Variants in DACH1 observed in about 807,000 individuals in gnomAD.
DACH1 encodes dachshund family transcription factor 1.
DACH1 carries 12 observed loss-of-function variants against 54.2 expected under a neutral mutation model. The ratio of observed to expected loss-of-function variants is 0.22; its 90% CI spans 0.14 to 0.36. The LOEUF is 0.36. Among genes scored for constraint, DACH1 ranks in the 10% least tolerant of loss-of-function variants. DACH1 has a pLI of 1.00. For missense variants in DACH1, 805 were observed against 929.8 expected, an observed-to-expected ratio of 0.87 and a Z score of 1.75; for synonymous variants, 386 against 366.2, an observed-to-expected ratio of 1.05 and a Z score of -0.62.
intron 3 of DACH1, among the ~76,000 whole-genome samples, chr13:71,613,553 A>G (rs960413777): frequency 4.6e-5 from 7 of 152,232 alleles, no homozygotes; most frequent in African/African-American, 1.4e-4. Flanking sequence ...TGCAGTGGCC[A>G]ACGTGGGGAG....
intron 1 of DACH1, among the ~76,000 whole-genome samples, chr13:71,765,126 TACC>T (rs1566486638): frequency 6.6e-6 from 1 of 152,182 alleles, no homozygotes; most frequent in Non-Finnish European, 1.5e-5. Flanking sequence ...CTGATTATTC[TACC>T]GTTATCTCAA....
At chr13:71,774,313 T>C (rs549077224) in intron 1 of DACH1, among the ~76,000 whole-genome samples, 8 of 152,144 alleles carry the variant, frequency 5.3e-5, no homozygotes, top group Non-Finnish European at 1.0e-4. Context: ...CATCACACAA[T>C]AATCTGGTCA....
At chr13:71,847,007 T>C (rs1873321630) in intron 1 of DACH1, among the ~76,000 whole-genome samples, 1 of 152,170 alleles carries the variant, frequency 6.6e-6, no homozygotes, top group African/African-American at 2.4e-5. Context: ...TCAAAAATTA[T>C]GCATTTGGTG....
At chr13:71,634,428 T>C (rs986165674) in intron 2 of DACH1, among the ~76,000 whole-genome samples, 1 of 152,190 alleles carries the variant, frequency 6.6e-6, no homozygotes, top group Non-Finnish European at 1.5e-5. Context: ...TCCAGGTACA[T>C]AGGCCTTCTT....
rs561109330 is a variant in DACH1, at chr13:71,644,087, A to T, written c.965-13370T>A. On this transcript the variant is annotated intron_variant, in intron 2 of 10. Coordinates refer to ENST00000613252, the MANE Select transcript of DACH1 (RefSeq NM_080759.6). ...TTCTTCCCGAAAAGACTAACTCTTA[A>T]ATTGTAGTCTCCTGCTTAGCACAAC... is the stretch of plus-strand genomic sequence containing the variant. Among the ~76,000 whole-genome samples, 12 of 152,306 alleles carry T rather than the reference A, an allele frequency of 7.9e-5. No individual in the cohort carries two copies. In the South Asian group the frequency reaches 2.5e-3, roughly 32 times the overall value.
chr13:71,768,812 TAAC>T (rs1323232324), intron 1 of DACH1, among the ~76,000 whole-genome samples: 1 of 151,922 alleles, frequency 6.6e-6, no homozygotes, highest in African/African-American at 2.4e-5. Flanking sequence ...GTACAATTTT[TAAC>T]ATCATAATTT....
At chr13:71,846,040 C>A in intron 1 of DACH1, 1 of 167,396 alleles carries the variant, frequency 6.0e-6, no homozygotes, top group Admixed American at 6.0e-5. Flanking sequence ...CGGAGTGGGT[C>A]TCCAGAACCA....
chr13:71,449,646 C>T lies in DACH1; in HGVS notation c.2084-8954G>A, dbSNP rs566237197. Among the ~76,000 whole-genome samples, 251 of 152,106 alleles carry T rather than the reference C, an allele frequency of 1.7e-3. 1 individual carries two copies. Among genetic ancestry groups the T allele is most frequent in the African/African-American group, 5.8e-3 (239 of 41,524 alleles). On this transcript the variant is annotated intron_variant, in intron 10 of 10. Transcript: ENST00000613252. ...CCATGGCATATGTATACCTATGTAA[C>T]AAACATGCATGTTCTGCACATGTAT...
chr13:71,737,279 C>T (rs1237861209), intron 1 of DACH1, among the ~76,000 whole-genome samples: 1 of 152,020 alleles, frequency 6.6e-6, no homozygotes, highest in Non-Finnish European at 1.5e-5. Context: ...GAAGAGAGAA[C>T]TAGGCGTTGT....
At chr13:71,458,581 C>T (rs543688774) in intron 10 of DACH1, among the ~76,000 whole-genome samples, 8 of 151,786 alleles carry the variant, frequency 5.3e-5, no homozygotes, top group African/African-American at 1.7e-4. Context: ...TGCATGCTTC[C>T]AATATTGTGT....
In DACH1 at chr13:71,865,974, G is replaced by T. The variant is rs761696528; in HGVS notation, c.796C>A (p.Leu266Ile). The stretch of plus-strand genomic sequence containing the variant: ...GTCTCGAAGTCCTTCCTGGAGATGA[G>T]TTTGCAGCGGTTCACTCCTGGCTGG... ...AIQPGVNRCK[L>I]ISRKDFETLY... is the part of the protein sequence containing the mutation. Residue 266 changes from leucine to isoleucine, a missense_variant, in exon 1 of 11, where the codon CTC (leucine) becomes ATC (isoleucine). Coordinates refer to ENST00000613252, the MANE Select transcript of DACH1 (RefSeq NM_080759.6). The T allele has an allele frequency of 6.2e-7, 1 of 1,613,976 alleles. No individual in the cohort carries two copies. Among genetic ancestry groups the T allele is most frequent in the Admixed American group, 1.7e-5 (1 of 60,012 alleles).
At chr13:71,475,986 C>T (rs1877489423) in intron 8 of DACH1, 137 bp from the exon 9 acceptor site, 2 of 578,196 alleles carry the variant, frequency 3.5e-6, no homozygotes, top group Non-Finnish European at 5.2e-6. Context: ...AAAGAAAGTT[C>T]CAAAAATCTC....
chr13:71,824,681 G>T (rs73503531), intron 1 of DACH1, among the ~76,000 whole-genome samples: 1 of 151,726 alleles, frequency 6.6e-6, no homozygotes, highest in Non-Finnish European at 1.5e-5. Flanking sequence ...ACTCTTTCTC[G>T]TCCCCAGGGT....
intron 1 of DACH1, among the ~76,000 whole-genome samples, chr13:71,753,323 G>A (rs772815911): frequency 7.9e-5 from 12 of 152,056 alleles, no homozygotes; most frequent in Non-Finnish European, 1.6e-4. Context: ...GCTGATATTA[G>A]TCTACACAGT....
At chr13:71,717,476 A>G (rs1470082900) in intron 1 of DACH1, among the ~76,000 whole-genome samples, 1 of 150,020 alleles carries the variant, frequency 6.7e-6, no homozygotes, top group Non-Finnish European at 1.5e-5. Flanking sequence ...ACCAGAAATG[A>G]AAACACTGCA....
Position 71,542,754 on chromosome 13 carries a change from A to G in DACH1, c.1570+14270T>C, listed in dbSNP as rs575014522. ...AACTCTAATCTAAAGTCTAACTTCA[A>G]AGTTTCTCACTGTACCATCCACATG... On this transcript the variant is annotated intron_variant, in intron 6 of 10. Transcript: ENST00000613252. Among the ~76,000 whole-genome samples, 22 of 152,246 alleles carry G rather than the reference A, an allele frequency of 1.4e-4. No individual in the cohort carries two copies. In the East Asian group the frequency reaches 4.1e-3, roughly 28 times the overall value.
At chr13:71,684,662 T>C (rs1220053094) in intron 1 of DACH1, among the ~76,000 whole-genome samples, 1 of 152,144 alleles carries the variant, frequency 6.6e-6, no homozygotes, top group Non-Finnish European at 1.5e-5. Flanking sequence ...CCTGCACTGA[T>C]TGCAATAATC....
chr13:71,665,562 T>C (rs941493242), intron 2 of DACH1, among the ~76,000 whole-genome samples: 5 of 152,080 alleles, frequency 3.3e-5, no homozygotes, highest in African/African-American at 1.2e-4. Context: ...CCAAAACGCC[T>C]ACTATGCAAT....
Position 71,854,341 on chromosome 13 carries a change from A to C in DACH1, c.848+11581T>G, listed in dbSNP as rs192109998. 1.5e-4 allele frequency among the ~76,000 whole-genome samples: 23 copies of C among 152,188 alleles called. No homozygotes were observed. In the East Asian group the frequency reaches 4.1e-3, roughly 27 times the overall value. On this transcript the variant is annotated intron_variant, in intron 1 of 10. Transcript: ENST00000613252. ...AAAAAAAATAAAGGTGGGTTATGATAATTTGGATGACAAGGGTATGTAAGA... is the reference window on the plus strand; with the variant it reads ...AAAAAAAATAAAGGTGGGTTATGATCATTTGGATGACAAGGGTATGTAAGA...
Sources: allele counts gnomAD v4.1 joint callset (sites outside exome capture counted in the v4.1 genomes callset), GRCh38; gene constraint gnomAD v4.1.1; transcripts MANE v1.5; gene names NCBI Gene and HGNC (gene_info 2026-07-23, HGNC 2026-07-21).